Variants in ZNF416 observed in about 807,000 individuals in gnomAD.
The protein encoded by ZNF416 is zinc finger protein 416.
In ZNF416, 5 loss-of-function variants were observed where a neutral mutation model predicts 10.9. That is an observed-to-expected ratio of 0.46 (90% CI 0.24 to 0.97). The LOEUF (loss-of-function observed/expected upper bound fraction) is 0.97, where lower values mean the gene tolerates loss of function less well. ZNF416 is among the 50% of genes least tolerant of loss of function. ZNF416 has a pLI of 0.19. For synonymous variants in ZNF416, 267 were observed against 251.8 expected (o/e 1.06, Z -0.57); for missense variants, 675 against 715.0 (o/e 0.94, Z 0.64).
At position 57,575,728 on chromosome 19, in the gene ZNF416, G is replaced by A. The variant is rs948774257; in HGVS notation, c.202+76C>T. The stretch of plus-strand genomic sequence containing the variant: ...CAGTGGGGAAGTCAGCAAAGCCCAC[G>A]GTCCGGCAGAGCTGCCTCTGAGGAA... On this transcript the variant is annotated intron_variant, in intron 3 of 3. Coordinates refer to ENST00000196489, the MANE Select transcript of ZNF416 (RefSeq NM_017879.3). This position sits in a 1 kb window ranked among gnomAD's most constrained non-coding sequence, Gnocchi z 4.4. 1.1e-5 allele frequency: 18 copies of A among 1,597,818 alleles called. No homozygotes were observed. The highest frequency in any genetic ancestry group is 1.7e-4 in the Middle Eastern group (1 of 6,032).
Position 57,571,915 on chromosome 19 carries a change from G to A in ZNF416, c.*204C>T. On this transcript the variant is annotated 3_prime_UTR_variant, in exon 4 of 4. Transcript: ENST00000196489. ...TTAACTCTGGCAAAGGCCTCCAGCA[G>A]TTTAGAACATGCAAAGGAGCTCCTG... 1.6e-6 allele frequency: 1 copy of A among 613,178 alleles called. No individual in the cohort carries two copies. Among genetic ancestry groups the A allele is most frequent in the Non-Finnish European group, 2.8e-6 (1 of 360,164 alleles). 38.0% of individuals were successfully genotyped at this position (613,178 alleles called of 1,614,324 possible).
At chr19:57,573,910 G>A (rs191941887) in intron 3 of ZNF416, among the ~76,000 whole-genome samples, 25 of 152,284 alleles carry the variant, frequency 1.6e-4, no homozygotes, top group Admixed American at 3.3e-4. Context: ...GGTGGTGGGT[G>A]CTACTCAAGA....
At position 57,572,699 on chromosome 19, in the gene ZNF416, C is replaced by A; in HGVS notation, c.1205G>T (p.Arg402Ile). 1.2e-6 allele frequency: 2 copies of A among 1,614,048 alleles called. No homozygotes were observed. The highest frequency in any genetic ancestry group is 2.2e-5 in the East Asian group (1 of 44,868). ...ATAAGGCCTTGCTGTAGTGTGAATT[C>A]TCTGGTGTACAACAAGGCTGAAGCT... ...RQSFSLVVHQ[R>I]IHTTARPYEC... is the part of the protein sequence containing the mutation. Residue 402 changes from arginine to isoleucine, a missense_variant, in exon 4 of 4, where the codon AGA (arginine) becomes ATA (isoleucine). By Grantham distance (97) the Arg-to-Ile change is moderately conservative (BLOSUM62 -3). Coordinates refer to ENST00000196489, the MANE Select transcript of ZNF416 (RefSeq NM_017879.3). This position sits in a 1 kb window ranked among gnomAD's most constrained non-coding sequence, Gnocchi z 4.5.
intron 2 of ZNF416, among the ~76,000 whole-genome samples, chr19:57,577,749 A>G (rs1464682654): frequency 6.6e-6 from 1 of 152,204 alleles, no homozygotes; most frequent in Admixed American, 6.5e-5. Flanking sequence ...CCTGCATCCC[A>G]GCTTTCAGTT....
rs1262461151 is a variant in ZNF416, at chr19:57,578,847, C to G, written c.-143G>C. Reference sequence around the variant, plus strand: ...TGTGCCGGAGGCAGCGTTTCTAACTCAGGCGGCGTGGGCCGAGGTAGAGAA... The same window carrying G: ...TGTGCCGGAGGCAGCGTTTCTAACTGAGGCGGCGTGGGCCGAGGTAGAGAA... On this transcript the variant is annotated 5_prime_UTR_variant, in exon 1 of 4. Coordinates refer to ENST00000196489, the MANE Select transcript of ZNF416 (RefSeq NM_017879.3). 1 of 824,678 alleles carries G rather than the reference C, an allele frequency of 1.2e-6. No individual in the cohort carries two copies. The highest frequency in any genetic ancestry group is 1.7e-6 in the Non-Finnish European group (1 of 588,590). The allele number at this position is 824,678 out of a possible 1,614,324, so 51.1% of individuals were successfully genotyped here.
intron 2 of ZNF416, among the ~76,000 whole-genome samples, chr19:57,577,174 C>G (rs1421267814): frequency 1.3e-5 from 2 of 152,204 alleles, no homozygotes; most frequent in African/African-American, 2.4e-5. Flanking sequence ...CAACACAGTT[C>G]TAGTCCTGTA....
chr19:57,574,659 G>A (rs1205818017), intron 3 of ZNF416, among the ~76,000 whole-genome samples: 2 of 152,116 alleles, frequency 1.3e-5, no homozygotes, highest in Admixed American at 1.3e-4. Flanking sequence ...GGCAGTAGTG[G>A]GCCTCTAAAG....
rs916050177 is a variant in ZNF416 at position 57,578,813 on chromosome 19, C to A, written c.-109G>T. The stretch of plus-strand genomic sequence containing the variant: ...CACCGGCTGATGCGCAGCGGGGCGA[C>A]CCCCGCTCTGTGCCGGAGGCAGCGT... On this transcript the variant is annotated 5_prime_UTR_variant, in exon 1 of 4. Transcript: ENST00000196489. 3 of 1,152,708 alleles carry A rather than the reference C, an allele frequency of 2.6e-6. No homozygotes were observed. The highest frequency in any genetic ancestry group is 1.6e-5 in the African/African-American group (1 of 61,466). 71.4% of individuals were successfully genotyped at this position (1,152,708 alleles called of 1,614,324 possible).
chr19:57,578,211 A>T, intron 1 of ZNF416, 113 bp from the exon 2 acceptor site: 1 of 1,031,492 alleles, frequency 9.7e-7, no homozygotes, highest in Non-Finnish European at 1.5e-6. Context: ...GTGATGACTA[A>T]ATTATTATTG....
Position 57,572,589 on chromosome 19 carries a change from C to T in ZNF416, c.1315G>A (p.Glu439Lys), listed in dbSNP as rs1255634660. 1.9e-6 allele frequency: 3 copies of T among 1,614,146 alleles called. No individual in the cohort carries two copies. The highest frequency in any genetic ancestry group is 2.5e-6 in the Non-Finnish European group (3 of 1,180,028). ...AAGGATTTTCCGCACTCATCACACT[C>T]AAAGGGCCTAGCTCCACTGTGAATT... ...QLIHSGARPFECDECGKSFSQ... is the reference protein window; with the variant it reads ...QLIHSGARPFKCDECGKSFSQ... Residue 439 changes from glutamate to lysine, a missense_variant, in exon 4 of 4, where the codon GAG (glutamate) becomes AAG (lysine). Glu to Lys is a moderately conservative substitution (Grantham distance 56). Transcript: ENST00000196489. The surrounding 1 kb of genome is among the most constrained non-coding windows in gnomAD (Gnocchi z 4.5).
intron 2 of ZNF416, among the ~76,000 whole-genome samples, chr19:57,577,468 A>T (rs758224067): frequency 1.3e-5 from 2 of 152,066 alleles, no homozygotes; most frequent in African/African-American, 4.8e-5. Context: ...TTCCCTACTT[A>T]AAAAAACTGA....
In ZNF416 at chr19:57,575,782, A is replaced by C. The variant is rs372191507; in HGVS notation, c.202+22T>G. 9.3e-6 allele frequency: 15 copies of C among 1,613,946 alleles called. No individual in the cohort carries two copies. The highest frequency in any genetic ancestry group is 1.2e-5 in the Non-Finnish European group (14 of 1,179,878). On this transcript the variant is annotated intron_variant, in intron 3 of 3. Coordinates refer to ENST00000196489, the MANE Select transcript of ZNF416 (RefSeq NM_017879.3). The surrounding 1 kb of genome is among the most constrained non-coding windows in gnomAD (Gnocchi z 4.4). ...GAGGATAGACGAAGACCAGGACACG[A>C]GAGTGGGTGTGAGGGCCTTACCCAG...
chr19:57,572,407 A>C lies in ZNF416; in HGVS notation c.1497T>G (p.Cys499Trp). ...TGERPFECSE[C>W]GKFFRQSYTL... The stretch of plus-strand genomic sequence containing the variant: ...TATAGCTTTGTCTAAAAAATTTCCC[A>C]CATTCACTGCACTCAAAAGGCCTTT... The change falls in exon 4 of 4, where the codon TGT becomes TGG. Residue 499 changes from cysteine (C) to tryptophan (W), a missense_variant. Cys to Trp is a radical substitution (Grantham distance 215, BLOSUM62 -2). Transcript: ENST00000196489. The surrounding 1 kb of genome is among the most constrained non-coding windows in gnomAD (Gnocchi z 4.5). 1 of 1,614,204 alleles carries C rather than the reference A, an allele frequency of 6.2e-7. No individual in the cohort carries two copies. The highest frequency in any genetic ancestry group is 8.5e-7 in the Non-Finnish European group (1 of 1,180,026).
At chr19:57,574,208 A>C (rs983645064) in intron 3 of ZNF416, among the ~76,000 whole-genome samples, 1 of 152,198 alleles carries the variant, frequency 6.6e-6, no homozygotes, top group Non-Finnish European at 1.5e-5. Flanking sequence ...TCAGGAGCTA[A>C]TATTCCTCTG....
Position 57,578,904 on chromosome 19 carries a change from G to A in ZNF416, c.-200C>T. On this transcript the variant is annotated 5_prime_UTR_variant, in exon 1 of 4. Coordinates refer to ENST00000196489, the MANE Select transcript of ZNF416 (RefSeq NM_017879.3). ...AAATTACCATCTCGGAGCGGTGCCG[G>A]AAGTCCCGCCTTACCGTATGCAACA... The A allele has an allele frequency of 2.1e-6, 1 of 465,986 alleles. No individual in the cohort carries two copies. The highest frequency in any genetic ancestry group is 3.6e-5 in the East Asian group (1 of 28,140). 28.9% of individuals were successfully genotyped at this position (465,986 alleles called of 1,614,324 possible). A position where few individuals can be genotyped will look rare whatever the true frequency, so the allele number is the denominator to read the frequency against.
At chr19:57,574,740 G>A (rs1446478437) in intron 3 of ZNF416, among the ~76,000 whole-genome samples, 1 of 152,134 alleles carries the variant, frequency 6.6e-6, no homozygotes, top group Non-Finnish European at 1.5e-5. Flanking sequence ...GAGAGGCAGG[G>A]TCTCCAATCT....
Position 57,572,337 on chromosome 19 carries a change from C to G in ZNF416, c.1567G>C (p.Asp523His). 1 of 1,614,148 alleles carries G rather than the reference C, an allele frequency of 6.2e-7. No homozygotes were observed. The highest frequency in any genetic ancestry group is 1.1e-5 in the South Asian group (1 of 91,062). Reference protein sequence around the residue: ...QKIHTGLRPYDCGQCGKSFIQ... With the variant: ...QKIHTGLRPYHCGQCGKSFIQ... ...AAGGATTTCCCGCACTGTCCACAGT[C>G]GTAAGGCCTTAATCCAGTGTGAATT... The change falls in exon 4 of 4, where the codon GAC becomes CAC. Residue 523 changes from aspartate (D) to histidine (H), a missense_variant. Transcript: ENST00000196489. The surrounding 1 kb of genome is among the most constrained non-coding windows in gnomAD (Gnocchi z 4.5).
chr19:57,575,662 G>A lies in ZNF416; in HGVS notation c.202+142C>T. 1 of 1,143,036 alleles carries A rather than the reference G, an allele frequency of 8.7e-7. No homozygotes were observed. Among genetic ancestry groups the A allele is most frequent in the Non-Finnish European group, 1.3e-6 (1 of 771,680 alleles). 70.8% of individuals were successfully genotyped at this position (1,143,036 alleles called of 1,614,324 possible). A position where few individuals can be genotyped will look rare whatever the true frequency, so the allele number is the denominator to read the frequency against. On this transcript the variant is annotated intron_variant, in intron 3 of 3. Transcript: ENST00000196489. The surrounding 1 kb of genome is among the most constrained non-coding windows in gnomAD (Gnocchi z 4.4). ...CAAATGTCAGGGCTGATTAAGGAGT[G>A]CAATGATTTCATTCCTTACACCACA...
chr19:57,572,896 G>A lies in ZNF416; in HGVS notation c.1008C>T (p.Ser336=), dbSNP rs1449367514. 8 of 1,613,196 alleles carry A rather than the reference G, an allele frequency of 5.0e-6. No individual in the cohort carries two copies. The highest frequency in any genetic ancestry group is 6.8e-6 in the Non-Finnish European group (8 of 1,179,762). The part of the protein sequence containing the change: ...YECGECGKSF[S]QSSNLIEHCR... ...AATGTTCAATAAGGTTGGAACTTTG[G>A]CTAAAAGATTTCCCACATTCACCAC... Residue 336 remains serine, a synonymous_variant, in exon 4 of 4, where the codon AGC becomes AGT. Coordinates refer to ENST00000196489, the MANE Select transcript of ZNF416 (RefSeq NM_017879.3). The surrounding 1 kb of genome is among the most constrained non-coding windows in gnomAD (Gnocchi z 4.5).
Sources: allele counts gnomAD v4.1 joint callset (sites outside exome capture counted in the v4.1 genomes callset), GRCh38; gene constraint gnomAD v4.1.1; non-coding constraint Gnocchi (gnomAD v3.1); transcripts MANE v1.5; gene names NCBI Gene and HGNC (gene_info 2026-07-23, HGNC 2026-07-21).